The following TTI1 variants were observed in gnomAD, a reference collection of about 807,000 sequenced individuals.
TTI1 encodes TELO2 interacting protein 1.
Under a neutral mutation model 85.4 loss-of-function variants are expected in TTI1, and 52 were observed. The ratio of observed to expected loss-of-function variants is 0.61; its 90% confidence interval spans 0.49 to 0.77. The LOEUF (loss-of-function observed/expected upper bound fraction) is 0.77, where lower values mean the gene tolerates loss of function less well. Among genes scored for constraint, TTI1 ranks in the 30% least tolerant of loss-of-function variants. The probability of loss-of-function intolerance (pLI) is 0.00; values close to 1 mark genes in which losing one functional copy is unlikely to be tolerated. For synonymous variants in TTI1, 512 were observed against 503.9 expected, an observed-to-expected ratio of 1.02 and a Z score of -0.22; for missense variants, 1,173 against 1,296.0, an observed-to-expected ratio of 0.91 and a Z score of 1.46.
intron 1 of TTI1, among the ~76,000 whole-genome samples, chr20:38,016,004 A>G (rs977140282): frequency 7.9e-5 from 12 of 152,224 alleles, no homozygotes; most frequent in African/African-American, 2.9e-4. Context: ...AAATATGAAG[A>G]GAAAAATCAC....
intron 4 of TTI1, 143 bp from the exon 5 acceptor site, chr20:37,999,471 C>G: frequency 1.1e-6 from 1 of 893,922 alleles, no homozygotes; most frequent in Non-Finnish European, 1.5e-6. Context: ...CAAGCACTAG[C>G]TAGGTACTGA....
At chr20:37,993,542 CGAT>C (rs1471720583) in intron 7 of TTI1, among the ~76,000 whole-genome samples, 1 of 152,180 alleles carries the variant, frequency 6.6e-6, no homozygotes, top group Non-Finnish European at 1.5e-5. Flanking sequence ...CACCCCAACT[CGAT>C]GAAGGCGCCC....
Position 38,013,665 on chromosome 20 carries a change from T to C in TTI1, c.152A>G (p.Tyr51Cys), listed in dbSNP as rs1310155421. The change falls in exon 2 of 8, where the codon TAC becomes TGC. Residue 51 changes from tyrosine to cysteine, a missense_variant. Physicochemically the swap from Tyr to Cys is radical, Grantham distance 194. Transcript: ENST00000373447. The stretch of plus-strand genomic sequence containing the variant: ...GGTAAATCGCAGAGGGAAGAGGATG[T>C]ACTGCTGAAGTTCCTGAAGGGCACT... ...SDSALQELQQ[Y>C]ILFPLRFTLK... is the part of the protein sequence containing the mutation. 3 of 1,614,116 alleles carry C rather than the reference T, an allele frequency of 1.9e-6. No homozygotes were observed. Among genetic ancestry groups the C allele is most frequent in the African/African-American group, 2.7e-5 (2 of 74,932 alleles).
intron 4 of TTI1, among the ~76,000 whole-genome samples, chr20:38,000,050 C>T (rs1299786491): frequency 6.6e-6 from 1 of 152,162 alleles, no homozygotes; most frequent in Non-Finnish European, 1.5e-5. Flanking sequence ...AGTGATGTGG[C>T]CGCGTGATGG....
rs2073502861 is a variant in TTI1, at chr20:38,006,530, C to T, written c.2303-133G>A. On this transcript the variant is annotated intron_variant, in intron 2 of 7. Transcript: ENST00000373447. ...CAGTCCCTGCCTGGCTCCCCGGCCT[C>T]CCAGTTGCCCATTAACTCATCCTTT... The T allele has an allele frequency of 3.7e-5, 33 of 900,228 alleles. No homozygotes were observed. The South Asian group carries it at 5.3e-4, about 14-fold the overall frequency. The allele number at this position is 900,228 out of a possible 1,614,324, so 55.8% of individuals were successfully genotyped here.
intron 1 of TTI1, among the ~76,000 whole-genome samples, chr20:38,031,039 C>T (rs147211667): frequency 6.6e-6 from 1 of 152,334 alleles, no homozygotes; most frequent in Admixed American, 6.5e-5. Flanking sequence ...TTACCTCTTC[C>T]TCTAAAATAT....
At chr20:38,006,023 T>G (rs2073492635) in intron 3 of TTI1, 174 bp downstream of exon 3, 2 of 783,182 alleles carry the variant, frequency 2.6e-6, no homozygotes, top group East Asian at 5.6e-5. Context: ...AAAACAGTTT[T>G]GTAACAGAAA....
At chr20:37,999,115 A>G in intron 5 of TTI1, 73 bp downstream of exon 5, 1 of 1,311,732 alleles carries the variant, frequency 7.6e-7, no homozygotes, top group East Asian at 2.8e-5. Context: ...GAACCAATCC[A>G]AAAGGCCCCG....
chr20:38,009,058 A>G (rs2122567236), intron 2 of TTI1, among the ~76,000 whole-genome samples: 1 of 152,296 alleles, frequency 6.6e-6, no homozygotes, highest in South Asian at 2.1e-4. Context: ...AGACATCAGC[A>G]ATCTAAGACA....
chr20:37,984,829 C>T (rs1277752194), intron 7 of TTI1, among the ~76,000 whole-genome samples: 1 of 152,186 alleles, frequency 6.6e-6, no homozygotes, highest in Non-Finnish European at 1.5e-5. Flanking sequence ...ATCTCGGGCA[C>T]CTGGAATGGC....
intron 3 of TTI1, among the ~76,000 whole-genome samples, chr20:38,004,921 C>T (rs1416476406): frequency 2.0e-5 from 3 of 152,198 alleles, no homozygotes; most frequent in African/African-American, 2.4e-5. Context: ...TGGATTGGCT[C>T]GAGAAACAAA....
rs550571780 is a variant in TTI1, at chr20:37,991,348, C to T, written c.3086+5027G>A. Among the ~76,000 whole-genome samples the T allele has an allele frequency of 2.6e-5, 4 of 152,340 alleles. No homozygotes were observed. The South Asian group carries it at 8.3e-4, about 32-fold the overall frequency. On this transcript the variant is annotated intron_variant, in intron 7 of 7. Transcript: ENST00000373447. ...TTCAAGCTCAGCTGAACTAATGGATCACCTCTGTGGCTCCTCATCCGTTCA... is the reference window on the plus strand; with the variant it reads ...TTCAAGCTCAGCTGAACTAATGGATTACCTCTGTGGCTCCTCATCCGTTCA...
chr20:38,012,884 T>C lies in TTI1; in HGVS notation c.933A>G (p.Val311=), dbSNP rs779287398. 5 of 1,614,098 alleles carry C rather than the reference T, an allele frequency of 3.1e-6. No individual in the cohort carries two copies. The highest frequency in any genetic ancestry group is 4.2e-6 in the Non-Finnish European group (5 of 1,180,054). The part of the protein sequence containing the change: ...HPHWKVRLEL[V]ELVEDLLLKC... Reference sequence around the variant, plus strand: ...TCAAAAGAAGGTCCTCCACAAGTTCTACCAGTTCCAGTCTCACCTTCCAGT... The same window carrying C: ...TCAAAAGAAGGTCCTCCACAAGTTCCACCAGTTCCAGTCTCACCTTCCAGT... Residue 311 remains valine (V), a synonymous_variant, in exon 2 of 8, where the codon GTA becomes GTG. Coordinates refer to ENST00000373447, the MANE Select transcript of TTI1 (RefSeq NM_001303457.2).
At chr20:38,020,636 T>A (rs981557146) in intron 1 of TTI1, among the ~76,000 whole-genome samples, 4 of 151,940 alleles carry the variant, frequency 2.6e-5, no homozygotes, top group African/African-American at 9.7e-5. Flanking sequence ...TACAAAAGAT[T>A]TTTAAAAAAT....
At chr20:37,997,029 G>T in intron 5 of TTI1, 76 bp from the exon 6 acceptor site, 1 of 1,488,122 alleles carries the variant, frequency 6.7e-7, no homozygotes, top group Non-Finnish European at 9.1e-7. Flanking sequence ...TTGGTAATTC[G>T]ATTTCATCTA....
Position 37,983,525 on chromosome 20 carries a change from C to G in TTI1, c.3201G>C (p.Leu1067=), listed in dbSNP as rs1359415120. 14 of 1,611,338 alleles carry G rather than the reference C, an allele frequency of 8.7e-6. No homozygotes were observed. Among genetic ancestry groups the G allele is most frequent in the Non-Finnish European group, 1.2e-5 (14 of 1,179,392 alleles). Residue 1067 remains leucine (L), a synonymous_variant, in exon 8 of 8, where the codon CTG becomes CTC. Transcript: ENST00000373447. ...PPHPSLHPVQ[L]HGASGQQNPY... The stretch of plus-strand genomic sequence containing the variant: ...GGTTCTGCTGCCCGCTGGCCCCGTG[C>G]AGCTGCACAGGGTGGAGGCTGGGGT...
chr20:38,028,794 A>C (rs2073868734), intron 1 of TTI1, among the ~76,000 whole-genome samples: 1 of 152,190 alleles, frequency 6.6e-6, no homozygotes, highest in East Asian at 1.9e-4. Flanking sequence ...CTGCAGCCTC[A>C]ATTTCCTGAG....
In TTI1 at chr20:38,012,878, A is replaced by G; in HGVS notation, c.939T>C (p.Leu313=). Reference sequence around the variant, plus strand: ...TGCACTTCAAAAGAAGGTCCTCCACAAGTTCTACCAGTTCCAGTCTCACCT... The same window carrying G: ...TGCACTTCAAAAGAAGGTCCTCCACGAGTTCTACCAGTTCCAGTCTCACCT... ...HWKVRLELVE[L]VEDLLLKCSQ... is the part of the protein sequence containing the mutation. The change falls in exon 2 of 8, where the codon CTT becomes CTC. Residue 313 remains leucine, a synonymous_variant. Transcript: ENST00000373447. 1 of 1,614,180 alleles carries G rather than the reference A, an allele frequency of 6.2e-7. No individual in the cohort carries two copies. The highest frequency in any genetic ancestry group is 1.1e-5 in the South Asian group (1 of 91,082).
intron 1 of TTI1, 52 bp downstream of exon 1, chr20:38,033,352 T>C (rs894344025): frequency 1.3e-5 from 2 of 153,632 alleles, no homozygotes; most frequent in African/African-American, 4.8e-5. Flanking sequence ...GATACCCCTC[T>C]ACAGGGTCCC....
Sources: gnomAD v4.1 joint callset for allele counts (sites outside exome capture counted in the v4.1 genomes callset) on GRCh38, gnomAD v4.1.1 for gene constraint, MANE v1.5 for transcripts, NCBI Gene and HGNC (gene_info 2026-07-23, HGNC 2026-07-21) for gene names.